The following NUP107 variants were observed in gnomAD, a reference collection of about 807,000 sequenced individuals.
NUP107 encodes the protein nuclear pore complex protein Nup107.
In NUP107, 101 loss-of-function variants were observed where a neutral mutation model predicts 141.0. The observed-to-expected ratio is 0.72, with a 90% CI of 0.61 to 0.84. The LOEUF (loss-of-function observed/expected upper bound fraction) is 0.84. NUP107 is among the 40% of genes least tolerant of loss of function. The pLI is 0.00. For synonymous variants in NUP107, 319 were observed against 363.9 expected, an observed-to-expected ratio of 0.88 and a Z score of 1.41; for missense variants, 941 against 1,102.7, an observed-to-expected ratio of 0.85 and a Z score of 2.08.
rs200533311 is a variant in NUP107, at chr12:68,734,731, G to C, written c.2286G>C (p.Glu762Asp). 1.9e-6 allele frequency: 3 copies of C among 1,601,562 alleles called. No individual in the cohort carries two copies. In the East Asian group the frequency reaches 6.7e-5, roughly 36 times the overall value. ...AGGAAGCCCATGAAACCTTTAATGAGTGGTTTAAGCATATGAATTCAGTTC... is the reference window on the plus strand; with the variant it reads ...AGGAAGCCCATGAAACCTTTAATGACTGGTTTAAGCATATGAATTCAGTTC... Reference protein sequence around the residue: ...AYLEAHETFNEWFKHMNSVPQ... With the variant: ...AYLEAHETFNDWFKHMNSVPQ... Residue 762 changes from glutamate (E) to aspartate (D), a missense_variant, in exon 25 of 28, where the codon GAG (glutamate) becomes GAC (aspartate). Physicochemically the swap from Glu to Asp is conservative, Grantham distance 45. Transcript: ENST00000229179.
In NUP107 at chr12:68,735,131, T is replaced by G. The variant is rs557812158; in HGVS notation, c.2389-100T>G. ...CTTGGCAGACTGAAACATCAACTCT[T>G]TAGAATGATGTTCTATATGTATGTT... On this transcript the variant is annotated intron_variant, in intron 25 of 27. Coordinates refer to ENST00000229179, the MANE Select transcript of NUP107 (RefSeq NM_020401.4). 8 of 852,418 alleles carry G rather than the reference T, an allele frequency of 9.4e-6. No homozygotes were observed. In the East Asian group the frequency reaches 1.5e-4, roughly 16 times the overall value. 52.8% of individuals were successfully genotyped at this position (852,418 alleles called of 1,614,324 possible). A position where few individuals can be genotyped will look rare whatever the true frequency, so the allele number is the denominator to read the frequency against.
chr12:68,707,170 C>T, intron 8 of NUP107: 1 of 515,808 alleles, frequency 1.9e-6, no homozygotes. Flanking sequence ...ACCTGAGGCT[C>T]AGCCCTAGCC....
intron 12 of NUP107, 100 bp from the exon 13 acceptor site, chr12:68,719,241 A>G: frequency 1.2e-6 from 1 of 814,064 alleles, no homozygotes; most frequent in Non-Finnish European, 2.0e-6. Flanking sequence ...GATGGATGGA[A>G]CATTTGTTCC....
intron 5 of NUP107, among the ~76,000 whole-genome samples, chr12:68,692,618 CA>C (rs1875861063): frequency 6.6e-6 from 1 of 151,950 alleles, no homozygotes; most frequent in East Asian, 1.9e-4. Context: ...CTCTGTCACC[CA>C]GGCTAAATGC....
In NUP107 at chr12:68,722,125, T is replaced by G. The variant is rs375755220; in HGVS notation, c.1479T>G (p.Phe493Leu). The change falls in exon 17 of 28, where the codon TTT (phenylalanine) becomes TTG (leucine). Residue 493 changes from phenylalanine (F) to leucine (L), a missense_variant. Physicochemically the swap from Phe to Leu is conservative, Grantham distance 22. Transcript: ENST00000229179. ...GAAGCTGGACGTTAGAAAAGGTTTT[T>G]GAGGAACTTCAAGCTACTGACAAAA... ...LGANWTLEKV[F>L]EELQATDKKR... The G allele has an allele frequency of 4.5e-5, 72 of 1,613,666 alleles. No homozygotes were observed. The highest frequency in any genetic ancestry group is 5.8e-5 in the Non-Finnish European group (68 of 1,179,906).
Position 68,692,058 on chromosome 12 carries a change from G to T in NUP107, c.394G>T (p.Glu132Ter). 6.2e-7 allele frequency: 1 copy of T among 1,611,854 alleles called. No homozygotes were observed. The highest frequency in any genetic ancestry group is 8.5e-7 in the Non-Finnish European group (1 of 1,179,238). ...FTNTEPHSIT[E>*]DVTISAVMLR... ...AAACACAGAGCCCCACAGTATAACAGAAGATGTAACTATCAGTGCTGTTAT... is the reference window on the plus strand; with the variant it reads ...AAACACAGAGCCCCACAGTATAACATAAGATGTAACTATCAGTGCTGTTAT... The change falls in exon 5 of 28, where the codon GAA (glutamate) becomes TAA (stop). Residue 132 changes from glutamate (E) to a stop codon, truncating the protein, a stop_gained. Transcript: ENST00000229179. LOFTEE classifies it high-confidence loss of function.
Position 68,730,699 on chromosome 12 carries a change from C to T in NUP107, c.1735-411C>T, listed in dbSNP as rs573446833. On this transcript the variant is annotated intron_variant, in intron 20 of 27. Coordinates refer to ENST00000229179, the MANE Select transcript of NUP107 (RefSeq NM_020401.4). ...ATTATTCTGGGCTGGACACAGGGGCCCATGCCTGTAATCCCAGCACTTTAG... is the reference window on the plus strand; with the variant it reads ...ATTATTCTGGGCTGGACACAGGGGCTCATGCCTGTAATCCCAGCACTTTAG... Among the ~76,000 whole-genome samples, 5 of 152,274 alleles carry T rather than the reference C, an allele frequency of 3.3e-5. No homozygotes were observed. In the South Asian group the frequency reaches 1.0e-3, roughly 32 times the overall value.
At chr12:68,736,883 G>T (rs1322602513) in intron 26 of NUP107, among the ~76,000 whole-genome samples, 1 of 151,804 alleles carries the variant, frequency 6.6e-6, no homozygotes, top group African/African-American at 2.4e-5. Context: ...TGTATTTTTA[G>T]TAGAGATGGG....
chr12:68,710,027 G>A lies in NUP107; in HGVS notation c.824G>A (p.Ser275Asn). Residue 275 changes from serine to asparagine, a missense_variant, in exon 10 of 28, where the codon AGT (serine) becomes AAT (asparagine). Transcript: ENST00000229179. ...TAGCTGGTGGTAGATTGGTTAGAGA[G>A]TATTGCCAAAGATGAAATTGGAGAA... The part of the protein sequence containing the change: ...QSQLVVDWLE[S>N]IAKDEIGEFS... 6.3e-7 allele frequency: 1 copy of A among 1,596,400 alleles called. No homozygotes were observed.
At chr12:68,711,581 A>T (rs942945563) in intron 10 of NUP107, among the ~76,000 whole-genome samples, 1 of 151,876 alleles carries the variant, frequency 6.6e-6, no homozygotes, top group Non-Finnish European at 1.5e-5. Context: ...TACGACAGGG[A>T]GTCCTACTTT....
chr12:68,702,833 T>C, intron 8 of NUP107, 49 bp downstream of exon 8: 1 of 1,120,974 alleles, frequency 8.9e-7, no homozygotes, highest in Non-Finnish European at 1.3e-6. Context: ...CAAATTAAAA[T>C]GTTACTAATA....
chr12:68,721,463 A>G (rs534586183), intron 15 of NUP107, among the ~76,000 whole-genome samples: 24 of 152,300 alleles, frequency 1.6e-4, no homozygotes, highest in African/African-American at 5.5e-4. Flanking sequence ...GACTTAAAAT[A>G]CTCATAGCTG....
intron 17 of NUP107, among the ~76,000 whole-genome samples, chr12:68,722,401 A>C (rs1036318916): frequency 6.6e-6 from 1 of 152,180 alleles, no homozygotes; most frequent in African/African-American, 2.4e-5. Context: ...AATTTAAAAC[A>C]CATTATGGAA....
intron 8 of NUP107, chr12:68,705,532 T>TAAAA (rs34838748): frequency 1.5e-4 from 32 of 209,568 alleles, no homozygotes; most frequent in Admixed American, 2.2e-4. Context: ...AAGTATTCTT[T>TAAAA]AAAAAAAAAA....
At chr12:68,692,503 C>T (rs956236404) in intron 5 of NUP107, among the ~76,000 whole-genome samples, 9 of 151,264 alleles carry the variant, frequency 5.9e-5, no homozygotes, top group East Asian at 5.9e-4. Context: ...CGCTTGAACC[C>T]GGGAGGCAGA....
chr12:68,735,411 C>G (rs1441582028), intron 26 of NUP107, 67 bp downstream of exon 26: 1 of 1,121,124 alleles, frequency 8.9e-7, no homozygotes, highest in Non-Finnish European at 1.4e-6. Context: ...TAAAAATATT[C>G]TGTCTCTAAA....
rs1368066657 is a variant in NUP107 at position 68,725,045 on chromosome 12, C to T, written c.1507-682C>T. 2.0e-5 allele frequency among the ~76,000 whole-genome samples: 3 copies of T among 152,090 alleles called. No homozygotes were observed. In the East Asian group the frequency reaches 5.8e-4, roughly 29 times the overall value. On this transcript the variant is annotated intron_variant, in intron 17 of 27. Coordinates refer to ENST00000229179, the MANE Select transcript of NUP107 (RefSeq NM_020401.4). ...AAATGGCGCTGGCATAATTGGCTTT[C>T]CATCCAGAAGAAAACAAAGCTAGAT...
intron 26 of NUP107, among the ~76,000 whole-genome samples, chr12:68,740,724 C>T (rs1284247154): frequency 1.3e-5 from 2 of 151,716 alleles, no homozygotes; most frequent in Non-Finnish European, 1.5e-5. Context: ...GATTTCCTTC[C>T]TATTTTTAAG....
Position 68,713,826 on chromosome 12 carries a change from T to A in NUP107, c.969+18T>A, listed in dbSNP as rs1363461477. 1.3e-6 allele frequency: 2 copies of A among 1,578,736 alleles called. No individual in the cohort carries two copies. Among genetic ancestry groups the A allele is most frequent in the Non-Finnish European group, 1.7e-6 (2 of 1,163,952 alleles). On this transcript the variant is annotated intron_variant, in intron 11 of 27. Transcript: ENST00000229179. ...CTGAATTGGTAAATGTTCTTTGAAA[T>A]GAAAGTTGCCTTCAAAGTTAACTGA...
Sources: gnomAD v4.1 joint callset for allele counts (sites outside exome capture counted in the v4.1 genomes callset) on GRCh38, gnomAD v4.1.1 for gene constraint, MANE v1.5 for transcripts, NCBI Gene and HGNC (gene_info 2026-07-23, HGNC 2026-07-21) for gene names.